SMAD6: variants seen among roughly 807,000 people sequenced by gnomAD.
The protein encoded by SMAD6 is MAD homolog 6.
Under a neutral mutation model 39.4 loss-of-function variants are expected in SMAD6, and 103 were observed. The observed-to-expected ratio is 2.62, with a 90% CI of 2.23 to 3.08. The LOEUF (loss-of-function observed/expected upper bound fraction) is 3.08. Ranked by LOEUF, SMAD6 falls within the 30% of genes most tolerant of loss-of-function variation. The pLI is 0.00. For synonymous variants in SMAD6, 445 were observed against 353.3 expected (o/e 1.26, Z -2.91); for missense variants, 1,104 against 742.9 (o/e 1.49, Z -5.65).
chr15:66,705,212 G>A (rs1365754302), intron 1 of SMAD6: 1 of 152,276 alleles, frequency 6.6e-6, no homozygotes, highest in Non-Finnish European at 1.5e-5. Context: ...GTGTGGAAGG[G>A]GAAAGTGGGT....
chr15:66,722,559 C>T (rs1370327254), intron 3 of SMAD6, among the ~76,000 whole-genome samples: 1 of 152,094 alleles, frequency 6.6e-6, no homozygotes, highest in Non-Finnish European at 1.5e-5. Context: ...GTGGCCAGCA[C>T]CACCCTGCCA....
At chr15:66,727,228 G>A (rs773510567) in intron 3 of SMAD6, among the ~76,000 whole-genome samples, 2 of 151,562 alleles carry the variant, frequency 1.3e-5, no homozygotes, top group African/African-American at 4.9e-5. Flanking sequence ...TCAGCCTCCC[G>A]AGTAGCTGGG....
chr15:66,758,385 A>G (rs1343675706), intron 3 of SMAD6, among the ~76,000 whole-genome samples: 1 of 152,178 alleles, frequency 6.6e-6, no homozygotes, highest in Non-Finnish European at 1.5e-5. Flanking sequence ...GCAGGTCCAA[A>G]TACTCATAAC....
At chr15:66,710,344 C>T (rs1040970016) in intron 1 of SMAD6, among the ~76,000 whole-genome samples, 5 of 152,190 alleles carry the variant, frequency 3.3e-5, no homozygotes, top group Non-Finnish European at 7.3e-5. Context: ...GCGTCTCTCT[C>T]AGTGGCTACT....
chr15:66,769,617 C>T (rs529911583), intron 3 of SMAD6, among the ~76,000 whole-genome samples: 1 of 152,238 alleles, frequency 6.6e-6, no homozygotes, highest in Non-Finnish European at 1.5e-5. Flanking sequence ...ATTTCTACAC[C>T]AGTGTGGGTG....
intron 3 of SMAD6, among the ~76,000 whole-genome samples, chr15:66,739,476 G>A (rs182012068): frequency 2.0e-5 from 3 of 152,352 alleles, no homozygotes; most frequent in African/African-American, 7.2e-5. Context: ...GAGCCACTCA[G>A]GGACTGCAGG....
At chr15:66,753,867 C>T (rs968623282) in intron 3 of SMAD6, among the ~76,000 whole-genome samples, 7 of 152,190 alleles carry the variant, frequency 4.6e-5, no homozygotes, top group Admixed American at 2.0e-4. Flanking sequence ...CTGGATGACT[C>T]GGGTTTCATT....
At position 66,752,423 on chromosome 15, in the gene SMAD6, A is replaced by G. The variant is rs549800192; in HGVS notation, c.953-28574A>G. Among the ~76,000 whole-genome samples the G allele has an allele frequency of 6.0e-4, 92 of 152,234 alleles. 2 individuals carry two copies. Among genetic ancestry groups the G allele is most frequent in the African/African-American group, 2.1e-3 (87 of 41,534 alleles). On this transcript the variant is annotated intron_variant, in intron 3 of 3. Transcript: ENST00000288840. ...CCACTAGGATAGATGGTCTTGTGTC[A>G]CTCTACCAGCTCTTGCCTCTGTTTT...
At chr15:66,774,459 A>C (rs78916657) in intron 3 of SMAD6, among the ~76,000 whole-genome samples, 1 of 152,098 alleles carries the variant, frequency 6.6e-6, no homozygotes, top group African/African-American at 2.4e-5. Context: ...ATTTCTGTGC[A>C]GGGGAGAAGG....
chr15:66,721,426 G>A (rs2469114), intron 3 of SMAD6, among the ~76,000 whole-genome samples: 30,731 of 152,050 alleles, frequency 0.2, 3,374 homozygotes, highest in African/African-American at 0.3. Flanking sequence ...AACAGACTCT[G>A]AGAGTTCCGT....
intron 3 of SMAD6, among the ~76,000 whole-genome samples, chr15:66,745,431 C>G (rs1893889996): frequency 6.6e-6 from 1 of 152,018 alleles, no homozygotes; most frequent in Non-Finnish European, 1.5e-5. Flanking sequence ...CTGGGCCCCA[C>G]TTTTAAACAG....
chr15:66,733,516 AACTTGT>A (rs1260823230), intron 3 of SMAD6, among the ~76,000 whole-genome samples: 1 of 152,260 alleles, frequency 6.6e-6, no homozygotes, highest in African/African-American at 2.4e-5. Flanking sequence ...ATTATTGTTA[AACTTGT>A]ACTTAGGTAA....
intron 3 of SMAD6, among the ~76,000 whole-genome samples, chr15:66,760,761 C>T (rs190069625): frequency 2.0e-5 from 3 of 152,320 alleles, no homozygotes; most frequent in East Asian, 3.9e-4. Context: ...TCCAGAGTGT[C>T]GCCTTCCCAG....
rs183246807 is a variant in SMAD6, at chr15:66,776,569, C to T, written c.953-4428C>T. ...GCATGGATTAGAGTAGAATTCTGGG[C>T]TCTCAAGTTCTGGCCCTAGGTCTGC... On this transcript the variant is annotated intron_variant, in intron 3 of 3. Transcript: ENST00000288840. 4.5e-3 allele frequency among the ~76,000 whole-genome samples: 681 copies of T among 152,304 alleles called. 2 individuals carry two copies. The highest frequency in any genetic ancestry group is 6.7e-3 in the Non-Finnish European group (454 of 68,024).
At chr15:66,767,779 G>A (rs565408668) in intron 3 of SMAD6, among the ~76,000 whole-genome samples, 56 of 152,058 alleles carry the variant, frequency 3.7e-4, no homozygotes, top group Non-Finnish European at 6.3e-4. Context: ...AAGAATGATC[G>A]AGGCAATCCT....
intron 3 of SMAD6, among the ~76,000 whole-genome samples, chr15:66,768,116 T>C (rs1188446902): frequency 6.6e-6 from 1 of 151,890 alleles, no homozygotes; most frequent in African/African-American, 2.4e-5. Context: ...GGACTACAGG[T>C]GCATGCCATC....
At chr15:66,777,709 GC>G (rs1894490797) in intron 3 of SMAD6, among the ~76,000 whole-genome samples, 1 of 152,256 alleles carries the variant, frequency 6.6e-6, no homozygotes, top group Admixed American at 6.5e-5. Context: ...CAGTTCAGGT[GC>G]CCCAGGAAGG....
In SMAD6 at chr15:66,771,204, G is replaced by A. The variant is rs74936780; in HGVS notation, c.953-9793G>A. On this transcript the variant is annotated intron_variant, in intron 3 of 3. Transcript: ENST00000288840. ...CATCCTCTGGTGGGTCCCCTTGCCCGTTGGAGTGGTAAGGCCTAATATCTC... is the reference window on the plus strand; with the variant it reads ...CATCCTCTGGTGGGTCCCCTTGCCCATTGGAGTGGTAAGGCCTAATATCTC... Among the ~76,000 whole-genome samples the A allele has an allele frequency of 7.6e-3, 1,163 of 152,286 alleles. 90 individuals are homozygous for A. The East Asian group carries it at 0.16, about 22-fold the overall frequency.
chr15:66,719,006 A>G (rs982596788), intron 3 of SMAD6, among the ~76,000 whole-genome samples: 6 of 152,210 alleles, frequency 3.9e-5, no homozygotes, highest in Admixed American at 1.3e-4. Context: ...TGATGACAGC[A>G]GTTGACATTT....
Sources: allele counts gnomAD v4.1 joint callset (sites outside exome capture counted in the v4.1 genomes callset), GRCh38; gene constraint gnomAD v4.1.1; transcripts MANE v1.5; gene names NCBI Gene and HGNC (gene_info 2026-07-23, HGNC 2026-07-21).